The following SH2D5 variants were observed in gnomAD, a reference collection of about 807,000 sequenced individuals.
SH2D5 encodes SH2 domain-containing protein 5.
A neutral mutation model predicts 48.2 loss-of-function variants in SH2D5; 45 were observed. That is an observed-to-expected ratio of 0.93 (90% CI 0.73 to 1.20). The LOEUF is 1.20. Ranked by LOEUF, SH2D5 falls within the 50% of genes most tolerant of loss-of-function variation. The pLI is 0.00. For synonymous variants in SH2D5, 230 were observed against 249.8 expected, an observed-to-expected ratio of 0.92 and a Z score of 0.75; for missense variants, 538 against 584.1, an observed-to-expected ratio of 0.92 and a Z score of 0.81.
chr1:20,725,580 C>T (rs2054778424), intron 5 of SH2D5, among the ~76,000 whole-genome samples: 1 of 152,192 alleles, frequency 6.6e-6, no homozygotes, highest in African/African-American at 2.4e-5. Flanking sequence ...GGGGTTCAGA[C>T]ACATGGGCTG....
rs1331823881 is a variant in SH2D5 at position 20,729,414 on chromosome 1, C to G, written c.-42-1328G>C. Among the ~76,000 whole-genome samples the G allele has an allele frequency of 6.6e-6, 1 of 152,198 alleles. No homozygotes were observed. The highest frequency in any genetic ancestry group is 2.4e-5 in the African/African-American group (1 of 41,442). On this transcript the variant is annotated intron_variant, in intron 1 of 9. Transcript: ENST00000444387. The surrounding 1 kb of genome is among the most constrained non-coding windows in gnomAD (Gnocchi z 4.2). ...TGACTTTGGACCAGCTGCCTCAACC[C>G]TCTGAGCCTCCCCTTCCTCATCTGC...
At chr1:20,722,697 C>A in intron 9 of SH2D5, 59 bp downstream of exon 9, 1 of 1,394,456 alleles carries the variant, frequency 7.2e-7, no homozygotes, top group East Asian at 2.8e-5. Context: ...GCAGGAAGGG[C>A]CAGGGATGGA....
At chr1:20,722,076 C>T in intron 9 of SH2D5, 81 bp from the exon 10 acceptor site, 1 of 1,371,582 alleles carries the variant, frequency 7.3e-7, no homozygotes, top group East Asian at 2.5e-5. Flanking sequence ...CCACAGGAGC[C>T]TGCACATTTT....
chr1:20,724,648 G>A lies in SH2D5; in HGVS notation c.391-13C>T. 6.5e-7 allele frequency: 1 copy of A among 1,539,314 alleles called. No homozygotes were observed. The highest frequency in any genetic ancestry group is 1.2e-5 in the South Asian group (1 of 82,206). ...GCAGGATCTGGACCTGGGAGGGAGG[G>A]AGAGAGGTGGGCTCAGCTGGAGGAG... On this transcript the variant is annotated splice_polypyrimidine_tract_variant and intron_variant, in intron 5 of 9. Transcript: ENST00000444387.
At chr1:20,730,311 G>GT (rs1051690707) in intron 1 of SH2D5, among the ~76,000 whole-genome samples, 2 of 27,684 alleles carry the variant, frequency 7.2e-5, no homozygotes, top group African/African-American at 1.1e-4. Context: ...CTGCTCGGGG[G>GT]GGGGGGGGAC....
Position 20,724,481 on chromosome 1 carries a change from G to A in SH2D5, c.545C>T (p.Pro182Leu), listed in dbSNP as rs749253743. The A allele has an allele frequency of 4.3e-6, 7 of 1,612,716 alleles. No individual in the cohort carries two copies. Among genetic ancestry groups the A allele is most frequent in the Non-Finnish European group, 5.9e-6 (7 of 1,179,896 alleles). The stretch of plus-strand genomic sequence containing the variant: ...CTGAGAGAGCTGATCACGGCCGAAG[G>A]GCTCCCGCACCAGGCCCCCAGAGCT... ...LSSSGGLVREPFGRDQLSQNV... is the reference protein window; with the variant it reads ...LSSSGGLVRELFGRDQLSQNV... Residue 182 changes from proline (P) to leucine (L), a missense_variant, in exon 6 of 10, where the codon CCC (proline) becomes CTC (leucine). By Grantham distance (98) the Pro-to-Leu change is moderately conservative. Coordinates refer to ENST00000444387, the MANE Select transcript of SH2D5 (RefSeq NM_001103161.2).
chr1:20,723,324 GGA>G (rs1458811256), intron 8 of SH2D5, among the ~76,000 whole-genome samples: 3 of 152,220 alleles, frequency 2.0e-5, no homozygotes, highest in African/African-American at 7.2e-5. Context: ...GACTCTCTCA[GGA>G]GAGAGGCTTA....
In SH2D5 at chr1:20,729,698, C is replaced by G. The variant is rs918032188; in HGVS notation, c.-42-1612G>C. ...GTGTGCTCCCACTCAAGGAGGAGGG[C>G]TGGGGTGCTTTGGAACTGACTCTGT... is the stretch of plus-strand genomic sequence containing the variant. On this transcript the variant is annotated intron_variant, in intron 1 of 9. Coordinates refer to ENST00000444387, the MANE Select transcript of SH2D5 (RefSeq NM_001103161.2). The surrounding 1 kb of genome is among the most constrained non-coding windows in gnomAD (Gnocchi z 4.2). Among the ~76,000 whole-genome samples the G allele has an allele frequency of 6.6e-6, 1 of 152,128 alleles. No individual in the cohort carries two copies. The highest frequency in any genetic ancestry group is 2.4e-5 in the African/African-American group (1 of 41,418).
rs899450451 is a variant in SH2D5, at chr1:20,731,225, C to T, written c.-43+956G>A. 5.9e-5 allele frequency: 9 copies of T among 152,590 alleles called. No homozygotes were observed. The South Asian group carries it at 6.2e-4, about 11-fold the overall frequency. The allele number at this position is 152,590 out of a possible 1,614,324, so 9.5% of individuals were successfully genotyped here. A position where few individuals can be genotyped will look rare whatever the true frequency, so the allele number is the denominator to read the frequency against. On this transcript the variant is annotated intron_variant, in intron 1 of 9. Transcript: ENST00000444387. ...GCGAACTCAGGTGCTGCCTCCTGGC[C>T]GGAGGGTCTGGGGCTGCCAGAGCGC...
chr1:20,721,014 C>A lies in SH2D5; in HGVS notation c.*778G>T, dbSNP rs1232332325. On this transcript the variant is annotated 3_prime_UTR_variant, in exon 10 of 10. Transcript: ENST00000444387. ...TGGGGGTGGGGGTGCCCTGGTGATT[C>A]CTAGGGGGAAGGGGTGAGCCTGCGC... 2 of 152,436 alleles carry A rather than the reference C, an allele frequency of 1.3e-5. No individual in the cohort carries two copies. The highest frequency in any genetic ancestry group is 2.9e-5 in the Non-Finnish European group (2 of 68,172). The allele number at this position is 152,436 out of a possible 1,614,324, so 9.4% of individuals were successfully genotyped here. A position where few individuals can be genotyped will look rare whatever the true frequency, so the allele number is the denominator to read the frequency against.
At position 20,723,003 on chromosome 1, in the gene SH2D5, G is replaced by A. The variant is rs373480898; in HGVS notation, c.909-88C>T. On this transcript the variant is annotated intron_variant, in intron 8 of 9. Coordinates refer to ENST00000444387, the MANE Select transcript of SH2D5 (RefSeq NM_001103161.2). ...CCCCAGCAGCATCGAGGCAGCCTGC[G>A]GATTAAATGCCCTTAAACACACGGT... 2.1e-4 allele frequency: 275 copies of A among 1,286,380 alleles called. 1 individual carries two copies. The highest frequency in any genetic ancestry group is 2.7e-4 in the Non-Finnish European group (264 of 973,524). 79.7% of individuals were successfully genotyped at this position (1,286,380 alleles called of 1,614,324 possible).
At chr1:20,726,937 G>A (rs745759765) in intron 4 of SH2D5, 64 bp downstream of exon 4, 84 of 1,373,778 alleles carry the variant, frequency 6.1e-5, no homozygotes, top group South Asian at 1.2e-4. Flanking sequence ...AGAGGAGAGC[G>A]CATCCTGAGG....
Position 20,728,157 on chromosome 1 carries a change from C to T in SH2D5, c.-42-71G>A. ...CACAGAGTGCCCCCCACAGGCCATT[C>T]ATTCACTGGCTTCCTGAGCAGCTGC... On this transcript the variant is annotated intron_variant, in intron 1 of 9. Coordinates refer to ENST00000444387, the MANE Select transcript of SH2D5 (RefSeq NM_001103161.2). This position sits in a 1 kb window ranked among gnomAD's most constrained non-coding sequence, Gnocchi z 4.3. 1.4e-6 allele frequency: 1 copy of T among 707,552 alleles called. No homozygotes were observed. Among genetic ancestry groups the T allele is most frequent in the Non-Finnish European group, 2.3e-6 (1 of 426,430 alleles). 43.8% of individuals were successfully genotyped at this position (707,552 alleles called of 1,614,324 possible).
At chr1:20,726,720 C>A (rs975145320) in intron 4 of SH2D5, among the ~76,000 whole-genome samples, 1 of 152,132 alleles carries the variant, frequency 6.6e-6, no homozygotes, top group Non-Finnish European at 1.5e-5. Context: ...GCTGCGAGAG[C>A]CTCAGTGGGC....
chr1:20,723,615 G>T lies in SH2D5; in HGVS notation c.908+11C>A. ...GGGACTGGGCGTCAGGCCAGGCCAG[G>T]CCCTTCCTACCTGGAGATGCCAGCG... On this transcript the variant is annotated intron_variant, in intron 8 of 9. Coordinates refer to ENST00000444387, the MANE Select transcript of SH2D5 (RefSeq NM_001103161.2). The T allele has an allele frequency of 6.2e-7, 1 of 1,605,134 alleles. No individual in the cohort carries two copies. Among genetic ancestry groups the T allele is most frequent in the Non-Finnish European group, 8.5e-7 (1 of 1,173,668 alleles).
In SH2D5 at chr1:20,721,589, C is replaced by T. The variant is rs2054685396; in HGVS notation, c.*203G>A. On this transcript the variant is annotated 3_prime_UTR_variant, in exon 10 of 10. Coordinates refer to ENST00000444387, the MANE Select transcript of SH2D5 (RefSeq NM_001103161.2). Reference sequence around the variant, plus strand: ...TCCACCTGCCCTCCTGGAATCTCAGCAGGCCACATGTTCTCCAAGAAGCCA... The same window carrying T: ...TCCACCTGCCCTCCTGGAATCTCAGTAGGCCACATGTTCTCCAAGAAGCCA... 1 of 501,786 alleles carries T rather than the reference C, an allele frequency of 2.0e-6. No individual in the cohort carries two copies. The highest frequency in any genetic ancestry group is 3.2e-5 in the East Asian group (1 of 31,730). The allele number at this position is 501,786 out of a possible 1,614,324, so 31.1% of individuals were successfully genotyped here. A position where few individuals can be genotyped will look rare whatever the true frequency, so the allele number is the denominator to read the frequency against.
At chr1:20,730,522 A>T (rs2054888566) in intron 1 of SH2D5, among the ~76,000 whole-genome samples, 1 of 152,158 alleles carries the variant, frequency 6.6e-6, no homozygotes. Flanking sequence ...CCCACCTACC[A>T]TCACCTGATC....
Position 20,722,719 on chromosome 1 carries a change from G to A in SH2D5, c.1068+37C>T, listed in dbSNP as rs932730710. 9.2e-6 allele frequency: 13 copies of A among 1,413,148 alleles called. No homozygotes were observed. In the South Asian group the frequency reaches 1.1e-4, roughly 12 times the overall value. 87.5% of individuals were successfully genotyped at this position (1,413,148 alleles called of 1,614,324 possible). The stretch of plus-strand genomic sequence containing the variant: ...GGGCCAGGGATGGAGCCAATGATGC[G>A]GCAGGGCCCAGGCCCCTCTGGCTGC... On this transcript the variant is annotated intron_variant, in intron 9 of 9. Transcript: ENST00000444387.
chr1:20,732,012 G>A lies in SH2D5; in HGVS notation c.-43+169C>T, dbSNP rs2054919568. On this transcript the variant is annotated intron_variant, in intron 1 of 9. Transcript: ENST00000444387. This position sits in a 1 kb window ranked among gnomAD's most constrained non-coding sequence, Gnocchi z 5.1. ...TCCCGGCGCTCGCTCACCGCCTCTC[G>A]AGTCCGGTCCCGGCCGCTCCGGCCC... Among the ~76,000 whole-genome samples, 2 of 151,250 alleles carry A rather than the reference G, an allele frequency of 1.3e-5. No individual in the cohort carries two copies. Among genetic ancestry groups the A allele is most frequent in the Non-Finnish European group, 3.0e-5 (2 of 67,688 alleles).
Sources: gnomAD v4.1 joint callset for allele counts (sites outside exome capture counted in the v4.1 genomes callset) on GRCh38, gnomAD v4.1.1 for gene constraint, Gnocchi (gnomAD v3.1) non-coding constraint, MANE v1.5 for transcripts, NCBI Gene and HGNC (gene_info 2026-07-23, HGNC 2026-07-21) for gene names.